PLEKHM3: variants seen among roughly 807,000 people sequenced by gnomAD.
PLEKHM3 encodes pleckstrin homology domain-containing family M member 3.
PLEKHM3 carries 45 observed loss-of-function variants against 81.8 expected under a neutral mutation model. That is an observed-to-expected ratio of 0.55 (90% CI 0.43 to 0.71). The LOEUF (loss-of-function observed/expected upper bound fraction) is 0.71. Ranked by LOEUF, PLEKHM3 falls within the 30% of genes least tolerant of loss-of-function variation. The pLI is 0.00. For synonymous variants in PLEKHM3, 352 were observed against 356.4 expected, an observed-to-expected ratio of 0.99 and a Z score of 0.14; for missense variants, 788 against 924.3, an observed-to-expected ratio of 0.85 and a Z score of 1.91.
rs559397914 is a variant in PLEKHM3, at chr2:207,955,628, C to T, written c.1547-9116G>A. ...CATTTTACAGAATAAGAAACTGAGGCAGAAGATGAAAAAGTAATTCTGTCC... is the reference window on the plus strand; with the variant it reads ...CATTTTACAGAATAAGAAACTGAGGTAGAAGATGAAAAAGTAATTCTGTCC... On this transcript the variant is annotated intron_variant, in intron 3 of 7. Coordinates refer to ENST00000427836, the MANE Select transcript of PLEKHM3 (RefSeq NM_001080475.3). Among the ~76,000 whole-genome samples, 86 of 152,220 alleles carry T rather than the reference C, an allele frequency of 5.6e-4. 1 individual carries two copies. In the South Asian group the frequency reaches 8.9e-3, roughly 16 times the overall value.
chr2:207,956,264 A>T (rs1690502539), intron 3 of PLEKHM3, among the ~76,000 whole-genome samples: 1 of 152,120 alleles, frequency 6.6e-6, no homozygotes, highest in African/African-American at 2.4e-5. Flanking sequence ...CAGGAGTTTG[A>T]GACCAGCCTG....
chr2:207,845,203 A>T (rs2092376052), intron 7 of PLEKHM3, among the ~76,000 whole-genome samples: 1 of 152,240 alleles, frequency 6.6e-6, no homozygotes, highest in Admixed American at 6.5e-5. Flanking sequence ...TTAAAAGACA[A>T]ATTTAATGAG....
chr2:207,903,332 GGT>G (rs1156834968), intron 6 of PLEKHM3, among the ~76,000 whole-genome samples: 1 of 152,032 alleles, frequency 6.6e-6, no homozygotes, highest in Non-Finnish European at 1.5e-5. Flanking sequence ...TCACAAGAGG[GGT>G]GTGTGTGTGC....
At chr2:207,882,501 A>T (rs1328312832) in intron 6 of PLEKHM3, among the ~76,000 whole-genome samples, 4 of 150,628 alleles carry the variant, frequency 2.7e-5, no homozygotes, top group African/African-American at 9.8e-5. Flanking sequence ...AATCGCAGTT[A>T]CCCGGGAGGC....
At chr2:208,013,405 A>G (rs1439425900) in intron 1 of PLEKHM3, among the ~76,000 whole-genome samples, 1 of 152,128 alleles carries the variant, frequency 6.6e-6, no homozygotes, top group Non-Finnish European at 1.5e-5. Flanking sequence ...AGTCCCAGTT[A>G]CTGAGGAGGC....
rs114167412 is a variant in PLEKHM3, at chr2:207,888,384, T to C, written c.1950+20130A>G. On this transcript the variant is annotated intron_variant, in intron 6 of 7. Transcript: ENST00000427836. ...ACACACACACACACACACACTTGGA[T>C]AATTCCTTTACTCTAGTTCTTTTTT... 7.1e-3 allele frequency among the ~76,000 whole-genome samples: 1,069 copies of C among 150,402 alleles called. 8 individuals are homozygous for C. Among genetic ancestry groups the C allele is most frequent in the African/African-American group, 0.025 (990 of 40,270 alleles).
At chr2:208,016,670 T>TACACACACACACACACACACACACACAC (rs370576889) in intron 1 of PLEKHM3, among the ~76,000 whole-genome samples, 2 of 65,064 alleles carry the variant, frequency 3.1e-5, no homozygotes, top group African/African-American at 9.6e-5. Context: ...AAAAAAAAAA[T>TACACACACACACACACACACACACACAC]ACACACACAC....
At position 207,826,918 on chromosome 2, in the gene PLEKHM3, C is replaced by T. The variant is rs2105874767; in HGVS notation, c.*1401G>A. 1 of 152,202 alleles carries T rather than the reference C, an allele frequency of 6.6e-6. No individual in the cohort carries two copies. Among genetic ancestry groups the T allele is most frequent in the African/African-American group, 2.4e-5 (1 of 41,512 alleles). The allele number at this position is 152,202 out of a possible 1,614,324, so 9.4% of individuals were successfully genotyped here. ...GGAAGGAATGGGAGCTGTCAGGGTC[C>T]CAGGGCTGTCCTACCTGCCGTTTTG... On this transcript the variant is annotated 3_prime_UTR_variant, in exon 8 of 8. Transcript: ENST00000427836.
chr2:208,022,868 A>G (rs191968932), intron 1 of PLEKHM3, among the ~76,000 whole-genome samples: 279 of 152,338 alleles, frequency 1.8e-3, no homozygotes, highest in African/African-American at 5.9e-3. Context: ...CAATTTTAGT[A>G]GAGAGACATT....
chr2:207,939,047 G>A (rs1305929438), intron 4 of PLEKHM3, among the ~76,000 whole-genome samples: 3 of 152,204 alleles, frequency 2.0e-5, no homozygotes, highest in Admixed American at 6.5e-5. Context: ...GGTGGCAAGT[G>A]CCACACGCCT....
chr2:207,829,746 A>T (rs554442765), intron 7 of PLEKHM3, among the ~76,000 whole-genome samples: 1 of 152,306 alleles, frequency 6.6e-6, no homozygotes, highest in African/African-American at 2.4e-5. Context: ...AGCCTGCAGC[A>T]TTCAGGGAGG....
intron 4 of PLEKHM3, among the ~76,000 whole-genome samples, chr2:207,940,296 A>AC (rs940996983): frequency 6.6e-6 from 1 of 152,146 alleles, no homozygotes; most frequent in Non-Finnish European, 1.5e-5. Context: ...TTCTTATATT[A>AC]CCCCAATTCA....
chr2:207,917,262 G>C (rs1179975942), intron 5 of PLEKHM3, among the ~76,000 whole-genome samples: 1 of 152,178 alleles, frequency 6.6e-6, no homozygotes, highest in Admixed American at 6.5e-5. Flanking sequence ...AACTGGAAAA[G>C]TAGCCACAAA....
chr2:207,923,462 C>A (rs571703222), intron 5 of PLEKHM3, among the ~76,000 whole-genome samples: 191 of 152,060 alleles, frequency 1.3e-3, no homozygotes, highest in Non-Finnish European at 2.1e-3. Flanking sequence ...ACAAAATTAG[C>A]TGGGCATGGT....
chr2:207,950,756 T>C (rs1260408033), intron 3 of PLEKHM3, among the ~76,000 whole-genome samples: 1 of 152,194 alleles, frequency 6.6e-6, no homozygotes, highest in Non-Finnish European at 1.5e-5. Flanking sequence ...CAGTTTACCC[T>C]CTAGGCTTCA....
intron 6 of PLEKHM3, among the ~76,000 whole-genome samples, chr2:207,893,902 G>C (rs1004593103): frequency 1.3e-5 from 2 of 152,156 alleles, no homozygotes; most frequent in South Asian, 4.1e-4. Flanking sequence ...GATCACTTGA[G>C]CTCAGGAGTT....
chr2:207,933,349 G>T (rs1010481564), intron 4 of PLEKHM3, among the ~76,000 whole-genome samples: 8 of 152,174 alleles, frequency 5.3e-5, no homozygotes, highest in Non-Finnish European at 1.2e-4. Flanking sequence ...GGGAAAGAAA[G>T]ACTTGGGTTT....
At chr2:207,949,935 C>T (rs1395251489) in intron 3 of PLEKHM3, among the ~76,000 whole-genome samples, 2 of 152,184 alleles carry the variant, frequency 1.3e-5, no homozygotes, top group Non-Finnish European at 2.9e-5. Flanking sequence ...CATACACAAA[C>T]ATGCATTTTA....
At chr2:208,014,522 T>A (rs1226521869) in intron 1 of PLEKHM3, among the ~76,000 whole-genome samples, 3 of 152,192 alleles carry the variant, frequency 2.0e-5, no homozygotes, top group Non-Finnish European at 4.4e-5. Context: ...CAGGCGCCTG[T>A]AATCCTAGCT....
Sources: allele counts gnomAD v4.1 joint callset (sites outside exome capture counted in the v4.1 genomes callset), GRCh38; gene constraint gnomAD v4.1.1; transcripts MANE v1.5; gene names NCBI Gene and HGNC (gene_info 2026-07-23, HGNC 2026-07-21).